Variants in GCNT1 observed in about 807,000 individuals in gnomAD.
GCNT1 encodes the protein glucosaminyl (N-acetyl) transferase 1.
A neutral mutation model predicts 26.2 loss-of-function variants in GCNT1; 16 were observed. The observed-to-expected ratio is 0.61, with a 90% confidence interval of 0.41 to 0.93. The LOEUF is 0.93. Ranked by LOEUF, GCNT1 falls within the 40% of genes least tolerant of loss-of-function variation. The pLI, the probability that GCNT1 is intolerant of heterozygous loss-of-function variation, is 0.00. For missense variants in GCNT1, 477 were observed against 526.7 expected (o/e 0.91, Z 0.92); for synonymous variants, 183 against 190.8 (o/e 0.96, Z 0.34).
At chr9:76,475,642 T>C (rs1824237900) in intron 2 of GCNT1, among the ~76,000 whole-genome samples, 2 of 152,214 alleles carry the variant, frequency 1.3e-5, no homozygotes, top group African/African-American at 4.8e-5. Context: ...AGCACCCACA[T>C]GGATAGCTTC....
chr9:76,413,671 T>TTTTTTTTTTTTTTTTG, the GCNT1 span, among the ~76,000 whole-genome samples: 2 of 140,106 alleles, frequency 1.4e-5, no homozygotes, highest in South Asian at 2.2e-4. Flanking sequence ...TTTTTTTGTT[T>TTTTTTTTTTTTTTTTG]TTTTTTTTTT....
At position 76,502,921 on chromosome 9, in the gene GCNT1, C is replaced by T; in HGVS notation, c.540C>T (p.Ser180=). The change falls in exon 4 of 4, where the codon AGC becomes AGT. Residue 180 remains serine (S), a synonymous_variant. Coordinates refer to ENST00000376730, the MANE Select transcript of GCNT1 (RefSeq NM_001490.5). ...ASCFSNVFVA[S]RLESVVYASW... is the part of the protein sequence containing the mutation. ...GTTTTAGTAATGTCTTTGTGGCCAG[C>T]CGATTGGAGAGTGTGGTTTATGCAT... 1 of 1,613,304 alleles carries T rather than the reference C, an allele frequency of 6.2e-7. No individual in the cohort carries two copies. The highest frequency in any genetic ancestry group is 8.5e-7 in the Non-Finnish European group (1 of 1,180,016).
intron 1 of GCNT1, among the ~76,000 whole-genome samples, chr9:76,433,547 G>T (rs572805938): frequency 3.9e-5 from 6 of 152,222 alleles, no homozygotes; most frequent in African/African-American, 1.4e-4. Context: ...CTGGCCTTTG[G>T]AGAGGCCAGC....
chr9:76,428,282 A>AAAAAAAAAAAC (rs1823284934), intron 1 of GCNT1, among the ~76,000 whole-genome samples: 1 of 142,874 alleles, frequency 7.0e-6, no homozygotes, highest in African/African-American at 2.5e-5. Context: ...AAAAAAAAAA[A>AAAAAAAAAAAC]AAAAAAACTT....
chr9:76,428,818 A>G (rs1404870860), intron 1 of GCNT1, among the ~76,000 whole-genome samples: 1 of 150,226 alleles, frequency 6.7e-6, no homozygotes, highest in Non-Finnish European at 1.5e-5. Flanking sequence ...CTCCTGCCTC[A>G]GCCTCCTGAG....
chr9:76,428,000 C>A (rs985491056), intron 1 of GCNT1, among the ~76,000 whole-genome samples: 1 of 151,420 alleles, frequency 6.6e-6, no homozygotes, highest in Non-Finnish European at 1.5e-5. Context: ...AACAAACAAA[C>A]AAACAAAAAA....
chr9:76,427,660 T>A, intron 1 of GCNT1, among the ~76,000 whole-genome samples: 1 of 152,166 alleles, frequency 6.6e-6, no homozygotes, highest in Non-Finnish European at 1.5e-5. Flanking sequence ...TTTATACATG[T>A]GAAAAATTAA....
Position 76,503,962 on chromosome 9 carries a change from G to A in GCNT1, c.*294G>A, listed in dbSNP as rs191384358. The A allele has an allele frequency of 1.4e-3, 565 of 402,416 alleles. 10 individuals carry two copies. The Admixed American group carries it at 0.02, about 14-fold the overall frequency. 24.9% of individuals were successfully genotyped at this position (402,416 alleles called of 1,614,324 possible). ...GGGGACCAGGGTGGCTGGGGAAGAG[G>A]CCGATGCATAAAGTCAGCCTGTTCA... On this transcript the variant is annotated 3_prime_UTR_variant, in exon 4 of 4. Transcript: ENST00000376730.
At chr9:76,497,439 T>C (rs1438164868) in intron 2 of GCNT1, among the ~76,000 whole-genome samples, 50 of 152,224 alleles carry the variant, frequency 3.3e-4, no homozygotes, top group Non-Finnish European at 1.5e-4. Context: ...TTGACTTCTG[T>C]ATTCACCCTG....
chr9:76,451,374 A>G (rs910044341), intron 1 of GCNT1, among the ~76,000 whole-genome samples: 34 of 152,082 alleles, frequency 2.2e-4, no homozygotes, highest in African/African-American at 8.2e-4. Flanking sequence ...CCTTTTGTTA[A>G]TGATAAAAGA....
At chr9:76,443,941 GGA>G in intron 1 of GCNT1, among the ~76,000 whole-genome samples, 1 of 70,356 alleles carries the variant, frequency 1.4e-5, no homozygotes, top group African/African-American at 5.1e-5. Flanking sequence ...AAGGAAGGAA[GGA>G]AGGAAGGAAG....
intron 1 of GCNT1, among the ~76,000 whole-genome samples, chr9:76,428,972 T>A (rs1296405949): frequency 6.6e-6 from 1 of 152,188 alleles, no homozygotes; most frequent in Non-Finnish European, 1.5e-5. Context: ...AGTGTTGGGA[T>A]TACAGGCATG....
chr9:76,484,301 T>C (rs1004208402), intron 2 of GCNT1, among the ~76,000 whole-genome samples: 1 of 151,792 alleles, frequency 6.6e-6, no homozygotes. Flanking sequence ...CCCCAGGAGT[T>C]TGAGCCTGCA....
At chr9:76,445,365 C>T (rs1823558229) in intron 1 of GCNT1, among the ~76,000 whole-genome samples, 1 of 151,922 alleles carries the variant, frequency 6.6e-6, no homozygotes, top group South Asian at 2.1e-4. Flanking sequence ...AGTTTAAACT[C>T]TTTGTTTCAG....
At chr9:76,467,586 G>C (rs1467658567) in intron 2 of GCNT1, among the ~76,000 whole-genome samples, 2 of 152,142 alleles carry the variant, frequency 1.3e-5, no homozygotes, top group Non-Finnish European at 2.9e-5. Context: ...AAGCTCCCTG[G>C]TGGTTGCAGT....
At chr9:76,426,236 GGAAGAT>G (rs1338965992) in intron 1 of GCNT1, among the ~76,000 whole-genome samples, 1 of 152,180 alleles carries the variant, frequency 6.6e-6, no homozygotes, top group African/African-American at 2.4e-5. Context: ...GAGGTTAAAA[GGAAGAT>G]GGAGTTGGTC....
rs536714478 is a variant in GCNT1, at chr9:76,443,500, T to C, written c.-290+1185T>C. 1.1e-3 allele frequency among the ~76,000 whole-genome samples: 170 copies of C among 152,394 alleles called. 1 individual carries two copies. The highest frequency in any genetic ancestry group is 1.8e-3 in the Non-Finnish European group (124 of 68,042). ...ATGTCCTTAAGGCACAGATTGCTCA[T>C]GCTATTGTTTGTGGCTTAAGAATGC... On this transcript the variant is annotated intron_variant, in intron 1 of 2. Coordinates refer to the GCNT1 transcript ENST00000442371.
chr9:76,499,040 G>T (rs1178280649), intron 2 of GCNT1, among the ~76,000 whole-genome samples: 3 of 106,026 alleles, frequency 2.8e-5, no homozygotes, highest in African/African-American at 4.3e-5. Flanking sequence ...GGGTAAGGCT[G>T]CTAGTGATAA....
At chr9:76,478,666 A>G (rs755208974) in intron 2 of GCNT1, among the ~76,000 whole-genome samples, 11 of 152,204 alleles carry the variant, frequency 7.2e-5, no homozygotes, top group Non-Finnish European at 1.3e-4. Flanking sequence ...CCAGAATTTC[A>G]TTCCTTTTTA....
Sources: gnomAD v4.1 joint callset for allele counts (sites outside exome capture counted in the v4.1 genomes callset) on GRCh38, gnomAD v4.1.1 for gene constraint, MANE v1.5 for transcripts, NCBI Gene and HGNC (gene_info 2026-07-23, HGNC 2026-07-21) for gene names.